Variants in ABHD18 observed in about 807,000 individuals in gnomAD.
ABHD18 encodes abhydrolase domain containing 18.
ABHD18 carries 55 observed loss-of-function variants against 65.9 expected under a neutral mutation model. That is an observed-to-expected ratio of 0.84 (90% confidence interval 0.67 to 1.05). ABHD18 has a LOEUF of 1.05. ABHD18 is among the 50% of genes least tolerant of loss of function. The probability of loss-of-function intolerance (pLI) is 0.00; values close to 1 mark genes in which losing one functional copy is unlikely to be tolerated. For synonymous variants in ABHD18, 181 were observed against 180.2 expected (o/e 1.00, Z -0.04); for missense variants, 533 against 558.5 (o/e 0.95, Z 0.46).
chr4:128,035,184 C>T (rs532643723), intron 12 of ABHD18, among the ~76,000 whole-genome samples: 7 of 152,210 alleles, frequency 4.6e-5, no homozygotes, highest in African/African-American at 1.7e-4. Context: ...ATACACATTA[C>T]ACACATGTGC....
intron 4 of ABHD18, among the ~76,000 whole-genome samples, chr4:128,005,372 T>G (rs1753429938): frequency 6.6e-6 from 1 of 152,168 alleles, no homozygotes; most frequent in South Asian, 2.1e-4. Context: ...CCTATAGAGG[T>G]CATCTAGTTT....
intron 1 of ABHD18, among the ~76,000 whole-genome samples, chr4:127,973,118 A>G (rs767108677): frequency 3.3e-5 from 5 of 151,922 alleles, no homozygotes; most frequent in South Asian, 4.2e-4. Flanking sequence ...GGCTCAAGCA[A>G]TCCTCCCGCC....
chr4:128,028,465 A>C lies in ABHD18; in HGVS notation c.802-10A>C, dbSNP rs1757702331. On this transcript the variant is annotated splice_polypyrimidine_tract_variant and intron_variant, in intron 10 of 12. Transcript: ENST00000645843. ...ATTAAATAATGTTTTCTTTCCTTTC[A>C]TATGTTCAGACAGATTCTTTCAAAA... 2.7e-6 allele frequency: 4 copies of C among 1,481,142 alleles called. No homozygotes were observed. The highest frequency in any genetic ancestry group is 3.6e-6 in the Non-Finnish European group (4 of 1,118,938). 91.7% of individuals were successfully genotyped at this position (1,481,142 alleles called of 1,614,324 possible). A position where few individuals can be genotyped will look rare whatever the true frequency, so the allele number is the denominator to read the frequency against.
chr4:128,024,817 C>T (rs1226022154), intron 10 of ABHD18, among the ~76,000 whole-genome samples: 4 of 151,930 alleles, frequency 2.6e-5, no homozygotes, highest in African/African-American at 2.4e-5. Flanking sequence ...CTCAGCCTCC[C>T]GAGTAGCTGG....
In ABHD18 at chr4:128,028,922, T is replaced by G. The variant is rs1245808768; in HGVS notation, c.1180+69T>G. The G allele has an allele frequency of 3.3e-6, 4 of 1,217,718 alleles. No homozygotes were observed. The African/African-American group carries it at 6.2e-5, about 19-fold the overall frequency. The allele number at this position is 1,217,718 out of a possible 1,614,324, so 75.4% of individuals were successfully genotyped here. On this transcript the variant is annotated intron_variant, in intron 11 of 12. Coordinates refer to ENST00000645843, the MANE Select transcript of ABHD18 (RefSeq NM_001358451.3). ...AGTATTTGTGAAATATTTTAAAAGA[T>G]GCTCTATAAGATAATTTTATATTTT...
chr4:127,982,973 A>T lies in ABHD18; in HGVS notation c.18A>T (p.Leu6Phe), dbSNP rs1230078382. Residue 6 changes from leucine to phenylalanine, a missense_variant, in exon 2 of 13, where the codon TTA (leucine) becomes TTT (phenylalanine). Leu to Phe is a conservative substitution (Grantham distance 22). This residue lies in a region of ABHD18 where 309 missense variants were observed against 313.5 expected (regional missense o/e 0.99). Transcript: ENST00000645843. ...TGCTACTGATGGGTGTGAGCAAGTT[A>T]GATATTCTATACCGGAGACTTCTCC... MGVSK[L>F]DILYRRLLLT... 6.4e-7 allele frequency: 1 copy of T among 1,563,894 alleles called. No homozygotes were observed. Among genetic ancestry groups the T allele is most frequent in the Admixed American group, 1.9e-5 (1 of 52,472 alleles).
chr4:127,965,918 G>C (rs2149016169), intron 1 of ABHD18: 1 of 152,588 alleles, frequency 6.6e-6, no homozygotes, highest in Non-Finnish European at 1.5e-5. Flanking sequence ...GTCAGAGCCA[G>C]GACTGAAGGT....
chr4:127,984,263 C>A, intron 2 of ABHD18, 76 bp from the exon 3 acceptor site: 1 of 753,794 alleles, frequency 1.3e-6, no homozygotes, highest in South Asian at 2.0e-5. Context: ...TACTGTTAAT[C>A]AGTCTCAATT....
chr4:128,010,328 G>A (rs1223877996), intron 6 of ABHD18, among the ~76,000 whole-genome samples: 5 of 152,056 alleles, frequency 3.3e-5, no homozygotes, highest in African/African-American at 9.7e-5. Flanking sequence ...TCAGGAGTTC[G>A]AGACCAGCCT....
At chr4:127,970,131 C>A (rs1312782603) in intron 1 of ABHD18, among the ~76,000 whole-genome samples, 1 of 152,052 alleles carries the variant, frequency 6.6e-6, no homozygotes, top group South Asian at 2.1e-4. Flanking sequence ...AATCCTCCCT[C>A]CTCAGCGTCC....
At chr4:128,002,869 C>A (rs1006430737) in intron 4 of ABHD18, among the ~76,000 whole-genome samples, 70 of 151,762 alleles carry the variant, frequency 4.6e-4, no homozygotes, top group African/African-American at 1.7e-3. Flanking sequence ...GTCTCAAATT[C>A]CTGACCTCAG....
chr4:128,007,328 T>TAAAAAAA (rs750294558), intron 4 of ABHD18, among the ~76,000 whole-genome samples: 1 of 58,838 alleles, frequency 1.7e-5, no homozygotes, highest in Non-Finnish European at 3.6e-5. Flanking sequence ...ACCTTGTCTC[T>TAAAAAAA]AAAAAAAAAA....
chr4:127,988,917 C>T (rs773496769), intron 3 of ABHD18, among the ~76,000 whole-genome samples: 1 of 152,132 alleles, frequency 6.6e-6, no homozygotes, highest in Non-Finnish European at 1.5e-5. Flanking sequence ...AGCAATCCCC[C>T]CACTGGGTAT....
At chr4:127,986,788 G>T (rs1165484281) in intron 3 of ABHD18, among the ~76,000 whole-genome samples, 2 of 152,148 alleles carry the variant, frequency 1.3e-5, no homozygotes, top group East Asian at 3.8e-4. Context: ...ATGCCCTAAT[G>T]ACTGTGAGGC....
At position 128,028,710 on chromosome 4, in the gene ABHD18, C is replaced by T; in HGVS notation, c.1037C>T (p.Thr346Ile). 1 of 1,613,884 alleles carries T rather than the reference C, an allele frequency of 6.2e-7. No homozygotes were observed. Among genetic ancestry groups the T allele is most frequent in the Non-Finnish European group, 8.5e-7 (1 of 1,179,854 alleles). Reference sequence around the variant, plus strand: ...AAGCGCTTCAATCAAACACTTTCAACCAACAAAAGTGGTTATACAAGTCGC... The same window carrying T: ...AAGCGCTTCAATCAAACACTTTCAATCAACAAAAGTGGTTATACAAGTCGC... ...KMKRFNQTLS[T>I]NKSGYTSRNP... Residue 346 changes from threonine to isoleucine, a missense_variant, in exon 11 of 13, where the codon ACC becomes ATC. This residue lies in a region of ABHD18 where 220 missense variants were observed against 226.8 expected (regional missense o/e 0.97). Transcript: ENST00000645843.
intron 1 of ABHD18, among the ~76,000 whole-genome samples, chr4:127,976,632 CAT>C (rs1747975755): frequency 6.6e-6 from 1 of 152,124 alleles, no homozygotes; most frequent in South Asian, 2.1e-4. Flanking sequence ...TATTTGGAAA[CAT>C]ATTAAAATGG....
chr4:128,035,082 A>G (rs1758729506), intron 12 of ABHD18, among the ~76,000 whole-genome samples: 1 of 152,226 alleles, frequency 6.6e-6, no homozygotes, highest in East Asian at 1.9e-4. Context: ...AATCTGTGAA[A>G]CAGAATCTTA....
At chr4:127,974,620 G>A (rs1390937660) in intron 1 of ABHD18, among the ~76,000 whole-genome samples, 4 of 151,812 alleles carry the variant, frequency 2.6e-5, no homozygotes, top group African/African-American at 4.8e-5. Flanking sequence ...CTATCCACCC[G>A]TGTCAGCCTC....
intron 4 of ABHD18, among the ~76,000 whole-genome samples, chr4:127,990,446 C>T (rs925992870): frequency 1.3e-5 from 2 of 152,064 alleles, no homozygotes; most frequent in African/African-American, 4.8e-5. Flanking sequence ...CACCTGTAAT[C>T]CCAGCTACCT....
Sources: allele counts gnomAD v4.1 joint callset (sites outside exome capture counted in the v4.1 genomes callset), GRCh38; gene constraint gnomAD v4.1.1; regional missense constraint gnomAD v4.1.1; transcripts MANE v1.5; gene names NCBI Gene and HGNC (gene_info 2026-07-23, HGNC 2026-07-21).